The following IQSEC1 variants were observed in gnomAD, a reference collection of about 807,000 sequenced individuals.
IQSEC1 encodes the protein IQ motif and SEC7 domain-containing protein 1.
A neutral mutation model predicts 91.0 loss-of-function variants in IQSEC1; 31 were observed. The ratio of observed to expected loss-of-function variants is 0.34; its 90% confidence interval spans 0.26 to 0.46. The LOEUF (loss-of-function observed/expected upper bound fraction) is 0.46, where lower values mean the gene tolerates loss of function less well. Ranked by LOEUF, IQSEC1 falls within the 20% of genes least tolerant of loss-of-function variation. The pLI is 1.00. For synonymous variants in IQSEC1, 699 were observed against 662.6 expected (o/e 1.05, Z -0.84); for missense variants, 1,388 against 1,575.6 (o/e 0.88, Z 2.02).
intron 1 of IQSEC1, among the ~76,000 whole-genome samples, chr3:13,005,123 G>A (rs2124864445): frequency 6.6e-6 from 1 of 152,314 alleles, no homozygotes; most frequent in Non-Finnish European, 1.5e-5. Context: ...TCATCCTGTA[G>A]TTTTTCAATC....
At chr3:12,974,610 AG>A (rs1291696226) in intron 1 of IQSEC1, among the ~76,000 whole-genome samples, 3 of 152,252 alleles carry the variant, frequency 2.0e-5, no homozygotes, top group African/African-American at 7.2e-5. Flanking sequence ...GCAGGATTCA[AG>A]GGGCAAGACA....
chr3:13,203,778 C>T (rs1013363887), intron 1 of IQSEC1, among the ~76,000 whole-genome samples: 2 of 152,232 alleles, frequency 1.3e-5, no homozygotes, highest in African/African-American at 4.8e-5. Flanking sequence ...CAGACTGAGT[C>T]ACATGGCCCC....
Position 12,936,140 on chromosome 3 carries a change from G to A in IQSEC1, c.876C>T (p.Tyr292=). The change falls in exon 3 of 14, where the codon TAC becomes TAT. Residue 292 remains tyrosine, a synonymous_variant. Transcript: ENST00000613206. ...GGGGCGACAGCTCCTCCTCATCGAT[G>A]TACAGGGTGACATCACTGTACGAGG... The part of the protein sequence containing the change: ...MTASYSDVTL[Y]IDEEELSPPL... 2.5e-6 allele frequency: 4 copies of A among 1,612,476 alleles called. No individual in the cohort carries two copies. The highest frequency in any genetic ancestry group is 3.4e-6 in the Non-Finnish European group (4 of 1,179,904).
At chr3:13,150,634 G>C (rs773453885) in intron 2 of IQSEC1, among the ~76,000 whole-genome samples, 9 of 152,146 alleles carry the variant, frequency 5.9e-5, no homozygotes, top group Non-Finnish European at 1.3e-4. Context: ...ATTGGCTCCT[G>C]ATGTTTTTAG....
chr3:13,118,873 G>A lies in IQSEC1; in HGVS notation c.302+45231C>T, dbSNP rs184855459. 1.7e-3 allele frequency among the ~76,000 whole-genome samples: 257 copies of A among 152,240 alleles called. 1 individual carries two copies. The highest frequency in any genetic ancestry group is 6.0e-3 in the African/African-American group (250 of 41,532). On this transcript the variant is annotated intron_variant, in intron 2 of 15. Coordinates refer to the IQSEC1 transcript ENST00000648114. ...GTGGGTCACCAGGTCAAGAGATCAAGATCATCCTGGACAACATGGTGAAAC... is the reference window on the plus strand; with the variant it reads ...GTGGGTCACCAGGTCAAGAGATCAAAATCATCCTGGACAACATGGTGAAAC...
chr3:13,157,622 G>T lies in IQSEC1; in HGVS notation c.302+6482C>A, dbSNP rs185452140. 5.1e-4 allele frequency among the ~76,000 whole-genome samples: 77 copies of T among 152,318 alleles called. 1 individual carries two copies. Among genetic ancestry groups the T allele is most frequent in the African/African-American group, 1.8e-3 (76 of 41,582 alleles). ...GTCCACCACAGTCAAGAATGCCCAA[G>T]AAATCTCAATCATAAACCCAGGGGA... On this transcript the variant is annotated intron_variant, in intron 2 of 15. Transcript: ENST00000648114.
intron 1 of IQSEC1, among the ~76,000 whole-genome samples, chr3:13,178,882 C>G (rs188999142): frequency 6.6e-6 from 1 of 152,278 alleles, no homozygotes; most frequent in Admixed American, 6.5e-5. Flanking sequence ...AAGCTTGAAC[C>G]TTACATTTGT....
chr3:13,147,784 CA>C (rs1706922323), intron 2 of IQSEC1, among the ~76,000 whole-genome samples: 1 of 152,214 alleles, frequency 6.6e-6, no homozygotes, highest in Non-Finnish European at 1.5e-5. Context: ...AGGCGCATGC[CA>C]CCACATCTGG....
At chr3:13,249,996 T>G (rs962573068) in intron 1 of IQSEC1, among the ~76,000 whole-genome samples, 1 of 152,268 alleles carries the variant, frequency 6.6e-6, no homozygotes, top group Non-Finnish European at 1.5e-5. Context: ...TTGCTGCCTG[T>G]GCAGCTGAGG....
rs1386715030 is a variant in IQSEC1, at chr3:13,214,437, C to T, written c.273-50304G>A. The stretch of plus-strand genomic sequence containing the variant: ...AGCAAGCTCGAGCCAGAACTCTGGC[C>T]GTGGCCCCCTGCCTTGAATCTGGGA... On this transcript the variant is annotated intron_variant, in intron 1 of 15. Transcript: ENST00000648114. This position sits in a 1 kb window ranked among gnomAD's most constrained non-coding sequence, Gnocchi z 4.5. 1.3e-5 allele frequency among the ~76,000 whole-genome samples: 2 copies of T among 152,260 alleles called. No homozygotes were observed. Among genetic ancestry groups the T allele is most frequent in the East Asian group, 1.9e-4 (1 of 5,198 alleles).
chr3:13,206,531 C>A (rs527434477), intron 1 of IQSEC1, among the ~76,000 whole-genome samples: 1 of 152,148 alleles, frequency 6.6e-6, no homozygotes, highest in Admixed American at 6.5e-5. Flanking sequence ...CACATATGAC[C>A]GTAAAAACTC....
At chr3:12,902,096 C>T (rs756307495) in intron 13 of IQSEC1, among the ~76,000 whole-genome samples, 19 of 152,258 alleles carry the variant, frequency 1.2e-4, no homozygotes, top group Non-Finnish European at 1.9e-4. Context: ...CATTTCACTA[C>T]AGCTGCCTAC....
At chr3:13,246,421 G>C (rs1011341916) in intron 1 of IQSEC1, among the ~76,000 whole-genome samples, 1 of 152,216 alleles carries the variant, frequency 6.6e-6, no homozygotes, top group Non-Finnish European at 1.5e-5. Context: ...AAACATTCTG[G>C]AGATGGACGG....
At chr3:13,198,969 C>A (rs966333023) in intron 1 of IQSEC1, among the ~76,000 whole-genome samples, 3 of 152,170 alleles carry the variant, frequency 2.0e-5, no homozygotes, top group African/African-American at 7.2e-5. Flanking sequence ...GGCTGCCGGG[C>A]GAGTGTTTAG....
intron 2 of IQSEC1, among the ~76,000 whole-genome samples, chr3:13,122,754 C>A (rs1706446000): frequency 6.6e-6 from 1 of 152,160 alleles, no homozygotes; most frequent in Non-Finnish European, 1.5e-5. Flanking sequence ...ATGAAGCTTG[C>A]CAGGGTCACA....
At position 12,900,180 on chromosome 3, in the gene IQSEC1, G is replaced by A. The variant is rs1694090142; in HGVS notation, c.*803C>T. On this transcript the variant is annotated 3_prime_UTR_variant, in exon 14 of 14. Coordinates refer to ENST00000613206, the MANE Select transcript of IQSEC1 (RefSeq NM_001134382.3). ...TTAATAAAATAAGGATTTATACAAA[G>A]CAATACTGGACTTTTTAAACAGTTA... is the stretch of plus-strand genomic sequence containing the variant. The A allele has an allele frequency of 2.1e-6, 2 of 971,812 alleles. No individual in the cohort carries two copies. Among genetic ancestry groups the A allele is most frequent in the Non-Finnish European group, 2.4e-6 (2 of 817,708 alleles). The allele number at this position is 971,812 out of a possible 1,614,324, so 60.2% of individuals were successfully genotyped here.
At chr3:12,925,138 T>C (rs1173682143) in intron 3 of IQSEC1, among the ~76,000 whole-genome samples, 1 of 152,134 alleles carries the variant, frequency 6.6e-6, no homozygotes, top group Non-Finnish European at 1.5e-5. Flanking sequence ...TGCCGGGCAC[T>C]GGCCCCAAAC....
intron 1 of IQSEC1, among the ~76,000 whole-genome samples, chr3:13,250,558 C>T (rs1379193203): frequency 6.6e-6 from 1 of 151,404 alleles, no homozygotes. Context: ...CCTCAGCCTC[C>T]GAGTAGCTGG....
At chr3:13,066,431 C>A (rs989559417) in intron 1 of IQSEC1, among the ~76,000 whole-genome samples, 1 of 152,232 alleles carries the variant, frequency 6.6e-6, no homozygotes, top group African/African-American at 2.4e-5. Context: ...ACGCGCCATG[C>A]GGGAGCTCTA....
Sources: allele counts gnomAD v4.1 joint callset (sites outside exome capture counted in the v4.1 genomes callset), GRCh38; gene constraint gnomAD v4.1.1; non-coding constraint Gnocchi (gnomAD v3.1); transcripts MANE v1.5; gene names NCBI Gene and HGNC (gene_info 2026-07-23, HGNC 2026-07-21).